Variants in CAST observed in about 807,000 individuals in gnomAD.
CAST encodes calpastatin, also known as MIR583 host.
A neutral mutation model predicts 119.6 loss-of-function variants in CAST; 76 were observed. The observed-to-expected ratio is 0.64, with a 90% CI of 0.53 to 0.77. The LOEUF is 0.77. CAST is among the 30% of genes least tolerant of loss of function. The pLI is 0.00. For synonymous variants in CAST, 319 were observed against 331.6 expected (o/e 0.96, Z 0.41); for missense variants, 953 against 946.5 (o/e 1.01, Z -0.09).
the CAST span, among the ~76,000 whole-genome samples, chr5:96,296,299 A>G: frequency 2.6e-5 from 4 of 152,182 alleles, no homozygotes; most frequent in Non-Finnish European, 4.4e-5. Flanking sequence ...TGACTTTGCT[A>G]GTACCTTCCA....
chr5:96,539,851 G>GAT (rs1745881178), intron 1 of CAST, among the ~76,000 whole-genome samples: 1 of 152,176 alleles, frequency 6.6e-6, no homozygotes, highest in Admixed American at 6.5e-5. Flanking sequence ...TGACTACTGA[G>GAT]ATGGTTGGGT....
the CAST span, among the ~76,000 whole-genome samples, chr5:96,405,462 T>A: frequency 1.3e-5 from 2 of 152,076 alleles, no homozygotes; most frequent in Admixed American, 6.5e-5. Flanking sequence ...GAGACTGAGA[T>A]TAATGAGGCT....
chr5:96,701,058 G>A (rs1753831778), intron 3 of CAST, among the ~76,000 whole-genome samples: 1 of 152,016 alleles, frequency 6.6e-6, no homozygotes, highest in African/African-American at 2.4e-5. Flanking sequence ...CTCCCGAGTA[G>A]CTGGGATTAC....
the CAST span, among the ~76,000 whole-genome samples, chr5:96,198,868 T>A: frequency 6.6e-6 from 1 of 152,150 alleles, no homozygotes; most frequent in South Asian, 2.1e-4. Flanking sequence ...GGATATTACA[T>A]CATGGTTTCC....
chr5:96,374,482 G>T, the CAST span, among the ~76,000 whole-genome samples: 3 of 152,172 alleles, frequency 2.0e-5, no homozygotes, highest in African/African-American at 4.8e-5. Flanking sequence ...CAAGCTCAAG[G>T]TGTGAAAGGT....
At chr5:96,371,619 T>C in the CAST span, among the ~76,000 whole-genome samples, 1 of 152,194 alleles carries the variant, frequency 6.6e-6, no homozygotes, top group African/African-American at 2.4e-5. Context: ...GGACTGTAAA[T>C]CACAGGAAAG....
chr5:96,656,713 T>C (rs1748163171), intron 1 of CAST, among the ~76,000 whole-genome samples: 1 of 152,168 alleles, frequency 6.6e-6, no homozygotes, highest in Non-Finnish European at 1.5e-5. Context: ...AACTGTGGGC[T>C]GTGGAGAAGA....
At chr5:96,158,444 T>A in the CAST span, among the ~76,000 whole-genome samples, 1 of 152,216 alleles carries the variant, frequency 6.6e-6, no homozygotes, top group Non-Finnish European at 1.5e-5. Context: ...CACCATCATT[T>A]CATTTGCTTT....
the CAST span, among the ~76,000 whole-genome samples, chr5:96,385,560 A>G: frequency 6.6e-6 from 1 of 152,228 alleles, no homozygotes; most frequent in Admixed American, 6.5e-5. Context: ...TAGAAATAAC[A>G]TGTCTTATTC....
chr5:96,730,231 A>T (rs576446706), intron 8 of CAST, among the ~76,000 whole-genome samples: 1 of 152,374 alleles, frequency 6.6e-6, no homozygotes, highest in East Asian at 1.9e-4. Flanking sequence ...AAGAATTAAC[A>T]TCTACAAGAA....
chr5:96,442,676 A>G, the CAST span, among the ~76,000 whole-genome samples: 1 of 152,174 alleles, frequency 6.6e-6, no homozygotes, highest in African/African-American at 2.4e-5. Flanking sequence ...CGCTCCTCCC[A>G]TTCTGATTCT....
At chr5:96,375,963 TATTA>T in the CAST span, among the ~76,000 whole-genome samples, 8 of 146,508 alleles carry the variant, frequency 5.5e-5, no homozygotes, top group African/African-American at 1.0e-4. Context: ...ATATATCTCC[TATTA>T]ATTCTGTTTC....
intron 1 of CAST, among the ~76,000 whole-genome samples, chr5:96,557,142 T>C (rs942004249): frequency 1.3e-5 from 2 of 151,946 alleles, no homozygotes; most frequent in African/African-American, 4.8e-5. Flanking sequence ...TAAAATACTT[T>C]ACAGACAAGC....
the CAST span, among the ~76,000 whole-genome samples, chr5:96,427,820 C>T: frequency 2.6e-5 from 4 of 152,232 alleles, no homozygotes; most frequent in Middle Eastern, 3.4e-3. Context: ...CTGCTTAGCC[C>T]GGGGACTAAG....
At chr5:96,614,072 G>A (rs1460560170) in intron 1 of CAST, among the ~76,000 whole-genome samples, 1 of 152,164 alleles carries the variant, frequency 6.6e-6, no homozygotes, top group African/African-American at 2.4e-5. Context: ...ATCATCAGCA[G>A]TAAGTGACCA....
chr5:96,414,222 C>A, the CAST span, among the ~76,000 whole-genome samples: 1 of 151,876 alleles, frequency 6.6e-6, no homozygotes, highest in Non-Finnish European at 1.5e-5. Flanking sequence ...GCCTCAGTTT[C>A]TTCAACTGTA....
At chr5:96,365,375 T>C in the CAST span, among the ~76,000 whole-genome samples, 6 of 152,192 alleles carry the variant, frequency 3.9e-5, no homozygotes, top group African/African-American at 1.4e-4. Flanking sequence ...TTCCCAGATA[T>C]CCTTGTTAAC....
the CAST span, among the ~76,000 whole-genome samples, chr5:96,025,329 G>A: frequency 1.3e-5 from 2 of 152,106 alleles, no homozygotes; most frequent in Non-Finnish European, 2.9e-5. Flanking sequence ...GAAGCAGGGA[G>A]AGGATGCAAG....
chr5:96,165,314 T>A, the CAST span, among the ~76,000 whole-genome samples: 479 of 152,082 alleles, frequency 3.1e-3, 1 homozygote, highest in Non-Finnish European at 3.8e-3. Flanking sequence ...AGGGAGGATA[T>A]ATGTGTGCAG....
Sources: gnomAD v4.1 joint callset for allele counts (sites outside exome capture counted in the v4.1 genomes callset) on GRCh38, gnomAD v4.1.1 for gene constraint, MANE v1.5 for transcripts, NCBI Gene and HGNC (gene_info 2026-07-23, HGNC 2026-07-21) for gene names.